Variants in ATP7A observed in about 807,000 individuals in gnomAD.
The protein encoded by ATP7A is ATPase copper transporting alpha.
A neutral mutation model predicts 83.5 loss-of-function variants in ATP7A; 7 were observed. The ratio of observed to expected loss-of-function variants is 0.08; its 90% CI spans 0.05 to 0.16. The LOEUF is 0.16. Among genes scored for constraint, ATP7A ranks in the 10% least tolerant of loss-of-function variants. The pLI, the probability that ATP7A is intolerant of heterozygous loss-of-function variation, is 1.00. For missense variants in ATP7A, 940 were observed against 1,120.8 expected (o/e 0.84, Z 2.30); for synonymous variants, 354 against 395.2 (o/e 0.90, Z 1.24).
intron 1 of ATP7A, among the ~76,000 whole-genome samples, chrX:77,920,538 C>T (rs183338337): frequency 6.1e-4 from 68 of 111,242 alleles, no homozygotes; most frequent in Non-Finnish European, 1.1e-3. Context: ...GTTTAGCTAC[C>T]ACTTATAAGT....
At chrX:77,929,860 A>C (rs1194913488) in intron 1 of ATP7A, among the ~76,000 whole-genome samples, 1 of 111,597 alleles carries the variant, frequency 9.0e-6, no homozygotes, top group African/African-American at 3.3e-5. Flanking sequence ...GTCTGAAAGA[A>C]TAACATTATA....
intron 2 of ATP7A, among the ~76,000 whole-genome samples, chrX:77,982,336 C>A (rs1456928623): frequency 1.8e-5 from 2 of 111,830 alleles, no homozygotes; most frequent in East Asian, 5.6e-4. Context: ...CCACACTGAG[C>A]AGCATGCTAA....
chrX:77,945,632 C>T (rs915480083), intron 1 of ATP7A, among the ~76,000 whole-genome samples: 13 of 112,414 alleles, frequency 1.2e-4, no homozygotes, highest in African/African-American at 3.9e-4. Context: ...ACCAGAATTA[C>T]ACAATAAAAT....
intron 2 of ATP7A, among the ~76,000 whole-genome samples, chrX:77,987,616 G>A (rs183015196): frequency 4.4e-4 from 49 of 110,773 alleles, no homozygotes; most frequent in South Asian, 1.9e-3. Context: ...AAACAATAAA[G>A]ATGTTCTTAT....
chrX:77,931,331 T>A (rs782467161), intron 1 of ATP7A, among the ~76,000 whole-genome samples: 11 of 110,686 alleles, frequency 9.9e-5, no homozygotes, highest in African/African-American at 3.6e-4. Flanking sequence ...GGGTTGGGGG[T>A]AAGGTCACCG....
intron 6 of ATP7A, among the ~76,000 whole-genome samples, chrX:78,007,135 A>G (rs1258769536): frequency 3.6e-5 from 4 of 111,709 alleles, no homozygotes; most frequent in East Asian, 2.8e-4. Flanking sequence ...CCAACATTGT[A>G]TTGACGTTCC....
At chrX:77,941,718 G>T (rs1304122747) in intron 1 of ATP7A, among the ~76,000 whole-genome samples, 2 of 111,949 alleles carry the variant, frequency 1.8e-5, no homozygotes, top group African/African-American at 6.5e-5. Flanking sequence ...TTAGAGTATA[G>T]TTCATGAGTG....
chrX:78,008,995 G>A (rs939653277), intron 6 of ATP7A, 107 bp from the exon 7 acceptor site: 48 of 875,285 alleles, frequency 5.5e-5, no homozygotes, highest in Middle Eastern at 4.1e-4. Flanking sequence ...CAGCCTGGGC[G>A]ACAGAGCGAG....
rs200794037 is a variant in ATP7A, at chrX:78,020,215, C to T, written c.2627-29C>T. The T allele has an allele frequency of 4.0e-5, 48 of 1,196,416 alleles. No homozygotes were observed. In the African/African-American group the frequency reaches 6.8e-4, roughly 17 times the overall value. On this transcript the variant is annotated intron_variant, in intron 12 of 22. Coordinates refer to ENST00000341514, the MANE Select transcript of ATP7A (RefSeq NM_000052.7). ...TTTCATGATAGTGATCATTTATGCT[C>T]CTTAAATCTATCTTTACTCTCCATA...
intron 4 of ATP7A, 108 bp downstream of exon 4, chrX:77,990,066 T>A: frequency 9.6e-7 from 1 of 1,040,451 alleles, no homozygotes. Context: ...GTAATTCCAC[T>A]TTTGCAAATA....
chrX:77,931,489 C>T (rs1040928986), intron 1 of ATP7A, among the ~76,000 whole-genome samples: 2 of 112,645 alleles, frequency 1.8e-5, no homozygotes, highest in African/African-American at 3.2e-5. Flanking sequence ...TCCACAAAAC[C>T]GCCATTGTCA....
intron 17 of ATP7A, among the ~76,000 whole-genome samples, 192 bp from the exon 18 acceptor site, chrX:78,038,644 T>C (rs781902002): frequency 9.0e-6 from 1 of 111,553 alleles, no homozygotes; most frequent in Non-Finnish European, 1.9e-5. Context: ...AAGGCAGCAA[T>C]GTGTGCAAAG....
intron 1 of ATP7A, among the ~76,000 whole-genome samples, chrX:77,925,067 T>C (rs1603370351): frequency 9.0e-6 from 1 of 111,592 alleles, no homozygotes; most frequent in African/African-American, 3.3e-5. Context: ...CTAGACTATA[T>C]TTATGGAATG....
intron 1 of ATP7A, among the ~76,000 whole-genome samples, chrX:77,926,035 A>T (rs1277368132): frequency 9.1e-6 from 1 of 110,256 alleles, no homozygotes; most frequent in African/African-American, 3.3e-5. Flanking sequence ...TAAGTAGAGC[A>T]GTTTTAGGTG....
rs1363235909 is a variant in ATP7A at position 78,033,767 on chromosome X, A to G, written c.3457A>G (p.Ser1153Gly). ...KNASLVQIDASNEQSSTSSSM... is the reference protein window; with the variant it reads ...KNASLVQIDAGNEQSSTSSSM... ...TGCATCCCTGGTTCAAATTGATGCC[A>G]GTAATGAACAGTCATCAACTTCGTC... is the stretch of plus-strand genomic sequence containing the variant. The change falls in exon 17 of 23, where the codon AGT becomes GGT. Residue 1153 changes from serine (S) to glycine (G), a missense_variant. Physicochemically the swap from Ser to Gly is moderately conservative, Grantham distance 56 (BLOSUM62 0). Around this residue, in one of 3 missense-constraint regions of ATP7A, gnomAD observed 386 missense variants for 502.2 expected, o/e 0.77. Transcript: ENST00000341514. The G allele has an allele frequency of 1.7e-6, 2 of 1,209,465 alleles. No homozygotes were observed. The highest frequency in any genetic ancestry group is 2.2e-6 in the Non-Finnish European group (2 of 894,962).
chrX:77,990,325 A>G (rs903314332), intron 4 of ATP7A, among the ~76,000 whole-genome samples: 2 of 112,408 alleles, frequency 1.8e-5, no homozygotes, highest in South Asian at 7.2e-4. Context: ...AATTTTATAA[A>G]GAAATGTATC....
intron 1 of ATP7A, among the ~76,000 whole-genome samples, chrX:77,913,031 T>G (rs998158605): frequency 9.0e-6 from 1 of 111,417 alleles, no homozygotes; most frequent in Non-Finnish European, 1.9e-5. Context: ...GAGAAAAGAG[T>G]GCAAAAATAA....
intron 1 of ATP7A, among the ~76,000 whole-genome samples, chrX:77,911,383 C>G (rs782534676): frequency 2.7e-5 from 3 of 111,598 alleles, no homozygotes; most frequent in Admixed American, 9.6e-5. Context: ...ATCTTTGACA[C>G]TTTTCTTCGT....
At chrX:78,011,290 A>G in intron 8 of ATP7A, 38 bp downstream of exon 8, 1 of 1,155,179 alleles carries the variant, frequency 8.7e-7, no homozygotes, top group Non-Finnish European at 1.2e-6. Context: ...ACAGATTTTG[A>G]CTCCTTATTA....
Sources: allele counts gnomAD v4.1 joint callset (sites outside exome capture counted in the v4.1 genomes callset), GRCh38; gene constraint gnomAD v4.1.1; regional missense constraint gnomAD v4.1.1; transcripts MANE v1.5; gene names NCBI Gene and HGNC (gene_info 2026-07-23, HGNC 2026-07-21).